Variants in P3H2 observed in about 807,000 individuals in gnomAD.
P3H2 encodes the protein leprecan-like 1.
P3H2 carries 80 observed loss-of-function variants against 87.0 expected under a neutral mutation model. The observed-to-expected ratio is 0.92, with a 90% CI of 0.77 to 1.11. The LOEUF is 1.11. Ranked by LOEUF, P3H2 falls within the 50% of genes least tolerant of loss-of-function variation. The pLI is 0.00. For missense variants in P3H2, 1,001 were observed against 923.9 expected (o/e 1.08, Z -1.08); for synonymous variants, 367 against 359.3 (o/e 1.02, Z -0.24).
At chr3:189,990,619 C>T (rs1189235856) in intron 3 of P3H2, among the ~76,000 whole-genome samples, 20 of 152,132 alleles carry the variant, frequency 1.3e-4, no homozygotes, top group Admixed American at 7.9e-4. Context: ...GTATTTTTCC[C>T]GAACTGTTAA....
intron 1 of P3H2, among the ~76,000 whole-genome samples, chr3:190,019,214 T>A: frequency 6.6e-6 from 1 of 152,160 alleles, no homozygotes; most frequent in South Asian, 2.1e-4. Context: ...CCAGTGTCTG[T>A]CAACACAGGC....
intron 8 of P3H2, among the ~76,000 whole-genome samples, chr3:189,981,871 T>A (rs1193359804): frequency 1.3e-5 from 2 of 152,214 alleles, no homozygotes; most frequent in Non-Finnish European, 2.9e-5. Flanking sequence ...TTGGGCTTTG[T>A]GGCTGCAAAC....
At chr3:189,996,480 A>G (rs2108925500) in intron 1 of P3H2, among the ~76,000 whole-genome samples, 1 of 152,322 alleles carries the variant, frequency 6.6e-6, no homozygotes, top group Admixed American at 6.5e-5. Flanking sequence ...AGAGACAGGA[A>G]GAGGTTGGTC....
chr3:190,074,578 T>TAA (rs923875651), intron 1 of P3H2, among the ~76,000 whole-genome samples: 1 of 150,900 alleles, frequency 6.6e-6, no homozygotes, highest in Admixed American at 6.6e-5. Flanking sequence ...AGCATCACTG[T>TAA]AAAAAAAAAG....
Position 189,956,918 on chromosome 3 carries a change from T to C in P3H2, c.*994A>G, listed in dbSNP as rs964352497. Reference sequence around the variant, plus strand: ...ACCCCACTCCTAGGCAACCTGGCCATGGTGCCCGGATGCAGGCAGTATTCA... The same window carrying C: ...ACCCCACTCCTAGGCAACCTGGCCACGGTGCCCGGATGCAGGCAGTATTCA... On this transcript the variant is annotated 3_prime_UTR_variant, in exon 15 of 15. Coordinates refer to ENST00000319332, the MANE Select transcript of P3H2 (RefSeq NM_018192.4). The C allele has an allele frequency of 2.5e-6, 1 of 393,392 alleles. No individual in the cohort carries two copies. The highest frequency in any genetic ancestry group is 2.1e-5 in the African/African-American group (1 of 48,538). The allele number at this position is 393,392 out of a possible 1,614,324, so 24.4% of individuals were successfully genotyped here. A position where few individuals can be genotyped will look rare whatever the true frequency, so the allele number is the denominator to read the frequency against.
At chr3:189,961,338 G>C (rs1722804420) in intron 14 of P3H2, among the ~76,000 whole-genome samples, 1 of 152,122 alleles carries the variant, frequency 6.6e-6, no homozygotes, top group Admixed American at 6.5e-5. Flanking sequence ...TCTCATTAAG[G>C]GAAAGAAATT....
chr3:189,997,361 C>T (rs1039466447), intron 1 of P3H2, among the ~76,000 whole-genome samples: 2 of 152,190 alleles, frequency 1.3e-5, no homozygotes, highest in African/African-American at 4.8e-5. Context: ...CATTAGTTAT[C>T]GTTTTCATGG....
intron 1 of P3H2, among the ~76,000 whole-genome samples, chr3:190,115,913 G>C (rs953474412): frequency 6.6e-6 from 1 of 152,146 alleles, no homozygotes; most frequent in Non-Finnish European, 1.5e-5. Flanking sequence ...CTGTAATTTT[G>C]AATCACATTT....
intron 1 of P3H2, among the ~76,000 whole-genome samples, chr3:190,120,001 A>C (rs1712472796): frequency 6.6e-6 from 1 of 152,188 alleles, no homozygotes; most frequent in African/African-American, 2.4e-5. Flanking sequence ...TTTAAACATC[A>C]CCTTATCAGG....
chr3:190,041,494 T>A (rs1328889101), intron 1 of P3H2, among the ~76,000 whole-genome samples: 1 of 152,138 alleles, frequency 6.6e-6, no homozygotes, highest in African/African-American at 2.4e-5. Flanking sequence ...CTCTGCTTAC[T>A]GCAATTACAG....
chr3:190,000,252 T>G (rs1201188857), intron 1 of P3H2, among the ~76,000 whole-genome samples: 2 of 152,278 alleles, frequency 1.3e-5, no homozygotes, highest in East Asian at 3.9e-4. Context: ...GTTTTAAAAC[T>G]TACCACCCGC....
chr3:190,120,474 G>C lies in P3H2; in HGVS notation c.258C>G (p.Arg86=). 7.0e-7 allele frequency: 1 copy of C among 1,432,356 alleles called. No individual in the cohort carries two copies. The highest frequency in any genetic ancestry group is 9.1e-7 in the Non-Finnish European group (1 of 1,101,116). 88.7% of individuals were successfully genotyped at this position (1,432,356 alleles called of 1,614,324 possible). A position where few individuals can be genotyped will look rare whatever the true frequency, so the allele number is the denominator to read the frequency against. The change falls in exon 1 of 15, where the codon CGC becomes CGG. Residue 86 remains arginine (R), a synonymous_variant. Transcript: ENST00000319332. ...GGAGCGGGTGGCGCGCCGCGCAGTG[G>C]CGGGCACAGCGCGTGCGGATTTCCC... The part of the protein sequence containing the change: ...RLREIRTRCA[R]HCAARHPLPP...
At chr3:189,965,376 G>A (rs1306392246) in intron 13 of P3H2, among the ~76,000 whole-genome samples, 1 of 152,238 alleles carries the variant, frequency 6.6e-6, no homozygotes, top group African/African-American at 2.4e-5. Flanking sequence ...ATGTGTGTGT[G>A]TTTATGTCTG....
At chr3:189,995,698 T>C (rs1441079665) in intron 1 of P3H2, among the ~76,000 whole-genome samples, 2 of 151,674 alleles carry the variant, frequency 1.3e-5, no homozygotes, top group East Asian at 3.9e-4. Context: ...GTAAACTATA[T>C]ATCCATATCC....
chr3:190,105,915 A>G lies in P3H2; in HGVS notation c.480+14337T>C, dbSNP rs79503384. 4.1e-3 allele frequency among the ~76,000 whole-genome samples: 619 copies of G among 152,262 alleles called. 4 individuals are homozygous for G. Among genetic ancestry groups the G allele is most frequent in the African/African-American group, 0.015 (603 of 41,546 alleles). On this transcript the variant is annotated intron_variant, in intron 1 of 14. Transcript: ENST00000319332. ...ATTCCTAGACTTGTAACCCTCTACT[A>G]CTTTTTGTGAGCTACTCTCCCATTT...
chr3:189,968,773 T>C (rs1723079108), intron 13 of P3H2, among the ~76,000 whole-genome samples: 1 of 152,234 alleles, frequency 6.6e-6, no homozygotes, highest in South Asian at 2.1e-4. Flanking sequence ...CCTGACTTTT[T>C]AATGATCGCC....
chr3:190,059,690 G>A (rs577533894), intron 1 of P3H2, among the ~76,000 whole-genome samples: 6 of 152,114 alleles, frequency 3.9e-5, no homozygotes, highest in Admixed American at 3.9e-4. Context: ...CCTCATCCTG[G>A]TAGCATCTTT....
chr3:190,041,997 T>C (rs1725652877), intron 1 of P3H2, among the ~76,000 whole-genome samples: 1 of 152,264 alleles, frequency 6.6e-6, no homozygotes, highest in South Asian at 2.1e-4. Context: ...GGGGCAATTC[T>C]TTATTCTTAA....
In P3H2 at chr3:189,958,002, C is replaced by G; in HGVS notation, c.2037G>C (p.Glu679Asp). Residue 679 changes from glutamate (E) to aspartate (D), a missense_variant and splice_region_variant, in exon 15 of 15, where the codon GAG becomes GAC. Glu to Asp is a conservative substitution (Grantham distance 45, BLOSUM62 2). Coordinates refer to ENST00000319332, the MANE Select transcript of P3H2 (RefSeq NM_018192.4). ...CAATCACTTCATCAGCCTGTATTCG[C>G]TCCTGCAAAAAAGACAATTTACACA... is the stretch of plus-strand genomic sequence containing the variant. ...FTLDPLYREL[E>D]RIQADEVIAI... The G allele has an allele frequency of 6.2e-7, 1 of 1,611,984 alleles. No homozygotes were observed. Among genetic ancestry groups the G allele is most frequent in the Non-Finnish European group, 8.5e-7 (1 of 1,178,068 alleles).
Sources: allele counts gnomAD v4.1 joint callset (sites outside exome capture counted in the v4.1 genomes callset), GRCh38; gene constraint gnomAD v4.1.1; transcripts MANE v1.5; gene names NCBI Gene and HGNC (gene_info 2026-07-23, HGNC 2026-07-21).